The following SLC5A4 variants were observed in gnomAD, a reference collection of about 807,000 sequenced individuals.
The protein encoded by SLC5A4 is probable glucose sensor protein SLC5A4.
A neutral mutation model predicts 70.3 loss-of-function variants in SLC5A4; 55 were observed. The observed-to-expected ratio is 0.78, with a 90% CI of 0.63 to 0.98. SLC5A4 has a LOEUF of 0.98. Ranked by LOEUF, SLC5A4 falls within the 50% of genes least tolerant of loss-of-function variation. The probability of loss-of-function intolerance (pLI) is 0.00; values close to 1 mark genes in which losing one functional copy is unlikely to be tolerated. For missense variants in SLC5A4, 735 were observed against 839.2 expected (o/e 0.88, Z 1.53); for synonymous variants, 268 against 305.7 (o/e 0.88, Z 1.29).
chr22:32,235,864 G>A (rs939773939), intron 7 of SLC5A4, among the ~76,000 whole-genome samples: 3 of 152,170 alleles, frequency 2.0e-5, no homozygotes, highest in Admixed American at 6.5e-5. Context: ...ACTACTATGC[G>A]CCAAACACTG....
At chr22:32,231,571 G>A (rs1308565886) in intron 9 of SLC5A4, among the ~76,000 whole-genome samples, 1 of 152,222 alleles carries the variant, frequency 6.6e-6, no homozygotes, top group African/African-American at 2.4e-5. Flanking sequence ...ACAATACCTT[G>A]TTGGTTTTTT....
intron 6 of SLC5A4, among the ~76,000 whole-genome samples, chr22:32,238,045 A>C: frequency 1.3e-5 from 2 of 152,182 alleles, no homozygotes; most frequent in Non-Finnish European, 2.9e-5. Flanking sequence ...CCATGCAGGT[A>C]GAGCCCTCAT....
chr22:32,341,887 C>T, the SLC5A4 span, among the ~76,000 whole-genome samples: 1 of 152,338 alleles, frequency 6.6e-6, no homozygotes, highest in African/African-American at 2.4e-5. Flanking sequence ...AGAGCATATT[C>T]AGGTCTCTGC....
the SLC5A4 span, among the ~76,000 whole-genome samples, chr22:32,277,632 C>A: frequency 1.3e-5 from 2 of 152,172 alleles, no homozygotes; most frequent in Non-Finnish European, 2.9e-5. Flanking sequence ...ACTACAACCT[C>A]CGCTTCCCGG....
At chr22:32,251,669 T>C (rs1927168053) in intron 3 of SLC5A4, 101 bp downstream of exon 3, 2 of 813,284 alleles carry the variant, frequency 2.5e-6, no homozygotes, top group South Asian at 1.5e-5. Context: ...CTGTTCTTTA[T>C]AAATTATCCA....
At chr22:32,239,555 TA>T (rs1569374858) in intron 5 of SLC5A4, among the ~76,000 whole-genome samples, 178 of 15,418 alleles carry the variant, frequency 0.012, 8 homozygotes, top group African/African-American at 0.041. Context: ...TATATATATA[TA>T]TATATATATA....
chr22:32,275,181 C>T, the SLC5A4 span, among the ~76,000 whole-genome samples: 1 of 152,148 alleles, frequency 6.6e-6, no homozygotes, highest in Non-Finnish European at 1.5e-5. Flanking sequence ...TTAATTGAAT[C>T]AAGGTGCATA....
At chr22:32,275,389 C>T in the SLC5A4 span, among the ~76,000 whole-genome samples, 2 of 152,064 alleles carry the variant, frequency 1.3e-5, no homozygotes, top group African/African-American at 4.8e-5. Context: ...CATGACAGGC[C>T]CCAGTGTGTG....
At chr22:32,229,435 G>C (rs1925614021) in intron 10 of SLC5A4, 91 bp from the exon 11 acceptor site, 1 of 1,349,538 alleles carries the variant, frequency 7.4e-7, no homozygotes, top group African/African-American at 1.4e-5. Context: ...GTATCATCTG[G>C]AACATAGGTT....
chr22:32,247,455 G>T lies in SLC5A4; in HGVS notation c.433C>A (p.Leu145Ile). The T allele has an allele frequency of 6.2e-7, 1 of 1,613,790 alleles. No homozygotes were observed. The highest frequency in any genetic ancestry group is 2.2e-5 in the East Asian group (1 of 44,884). The change falls in exon 5 of 15, where the codon CTC becomes ATC. Residue 145 changes from leucine (L) to isoleucine (I), a missense_variant. Physicochemically the swap from Leu to Ile is conservative, Grantham distance 5. Coordinates refer to ENST00000266086, the MANE Select transcript of SLC5A4 (RefSeq NM_014227.3). ...CAGATGAAGAGGGAGAGGATGGAGAGGTAGACCTGGAGTCGCTCCCCACCA... is the reference window on the plus strand; with the variant it reads ...CAGATGAAGAGGGAGAGGATGGAGATGTAGACCTGGAGTCGCTCCCCACCA... ...RFGGERLQVYLSILSLFICVV... is the reference protein window; with the variant it reads ...RFGGERLQVYISILSLFICVV...
chr22:32,240,375 T>G (rs948118241), intron 5 of SLC5A4, among the ~76,000 whole-genome samples: 4 of 152,188 alleles, frequency 2.6e-5, no homozygotes, highest in African/African-American at 9.7e-5. Context: ...CTACACTGTT[T>G]GGCTCAGCAT....
intron 2 of SLC5A4, 63 bp from the exon 3 acceptor site, chr22:32,251,937 TAGAC>T (rs1927191112): frequency 8.2e-7 from 1 of 1,225,650 alleles, no homozygotes; most frequent in Admixed American, 1.7e-5. Context: ...TTCTTGAAAA[TAGAC>T]AGATGTAGCT....
chr22:32,320,400 G>A, the SLC5A4 span, among the ~76,000 whole-genome samples: 1 of 152,174 alleles, frequency 6.6e-6, no homozygotes, highest in East Asian at 1.9e-4. Context: ...GGCAACATAG[G>A]TACAAGCACA....
chr22:32,241,792 T>C (rs1926527775), intron 5 of SLC5A4, among the ~76,000 whole-genome samples: 1 of 145,094 alleles, frequency 6.9e-6, no homozygotes, highest in East Asian at 2.0e-4. Context: ...TGTGTGTGTG[T>C]GTGTGTGTGT....
chr22:32,224,618 A>G (rs1925286951), intron 12 of SLC5A4, 136 bp from the exon 13 acceptor site: 1 of 678,888 alleles, frequency 1.5e-6, no homozygotes, highest in Non-Finnish European at 2.5e-6. Context: ...AAGGTTACCG[A>G]CATAGAGAAA....
the SLC5A4 span, among the ~76,000 whole-genome samples, chr22:32,338,098 A>G: frequency 6.6e-6 from 1 of 152,198 alleles, no homozygotes; most frequent in South Asian, 2.1e-4. Flanking sequence ...TAAATCAGCG[A>G]TGATATTGCT....
At chr22:32,245,172 C>A (rs957120012) in intron 5 of SLC5A4, among the ~76,000 whole-genome samples, 5 of 152,104 alleles carry the variant, frequency 3.3e-5, no homozygotes, top group Non-Finnish European at 5.9e-5. Flanking sequence ...CGTCTCATAA[C>A]GATCTGTTTA....
chr22:32,278,891 A>G, the SLC5A4 span, among the ~76,000 whole-genome samples: 3 of 152,270 alleles, frequency 2.0e-5, no homozygotes, highest in Non-Finnish European at 4.4e-5. Context: ...AGAGAAGAAA[A>G]TATTTATAAT....
chr22:32,329,510 G>T, the SLC5A4 span, among the ~76,000 whole-genome samples: 1 of 148,228 alleles, frequency 6.7e-6, no homozygotes, highest in South Asian at 2.3e-4. Context: ...AGGCAGTGGG[G>T]GTGTGTGTGT....
Sources: allele counts gnomAD v4.1 joint callset (sites outside exome capture counted in the v4.1 genomes callset), GRCh38; gene constraint gnomAD v4.1.1; transcripts MANE v1.5; gene names NCBI Gene and HGNC (gene_info 2026-07-23, HGNC 2026-07-21).